PSMD1: variants seen among roughly 807,000 people sequenced by gnomAD.
The protein encoded by PSMD1 is proteasome 26S subunit, non-ATPase 1.
A neutral mutation model predicts 119.0 loss-of-function variants in PSMD1; 18 were observed. The observed-to-expected ratio is 0.15, with a 90% CI of 0.10 to 0.22. The LOEUF (loss-of-function observed/expected upper bound fraction) is 0.22. PSMD1 is among the 10% of genes least tolerant of loss of function. The pLI is 1.00. For missense variants in PSMD1, 702 were observed against 1,158.5 expected (o/e 0.61, Z 5.72); for synonymous variants, 374 against 396.6 (o/e 0.94, Z 0.68).
Position 231,080,153 on chromosome 2 carries a change from G to C in PSMD1, c.1252G>C (p.Glu418Gln). The C allele has an allele frequency of 6.2e-7, 1 of 1,607,596 alleles. No homozygotes were observed. The highest frequency in any genetic ancestry group is 8.5e-7 in the Non-Finnish European group (1 of 1,177,676). Residue 418 changes from glutamate (E) to glutamine (Q), a missense_variant, in exon 12 of 25, where the codon GAA becomes CAA. Coordinates refer to ENST00000308696, the MANE Select transcript of PSMD1 (RefSeq NM_002807.4). ...LGVIHKGHEK[E>Q]ALQLMATYLP... is the part of the protein sequence containing the mutation. ...CTTACCTTTACAGGGTCATGAAAAA[G>C]AAGCATTACAGTTAATGGCAACATA... is the stretch of plus-strand genomic sequence containing the variant.
At chr2:231,113,830 A>G (rs749470585) in intron 16 of PSMD1, 28 of 1,613,986 alleles carry the variant, frequency 1.7e-5, no homozygotes, top group Non-Finnish European at 2.3e-5. Context: ...GTAACGATCC[A>G]CTGAAATGGC....
intron 4 of PSMD1, among the ~76,000 whole-genome samples, chr2:231,065,559 A>G (rs955915846): frequency 2.2e-4 from 34 of 151,294 alleles, no homozygotes; most frequent in African/African-American, 8.3e-4. Flanking sequence ...TCGGCCTCCC[A>G]AAGTGCTGGG....
chr2:231,106,108 C>T (rs1183883055), intron 16 of PSMD1, among the ~76,000 whole-genome samples: 4 of 148,278 alleles, frequency 2.7e-5, no homozygotes, highest in African/African-American at 7.5e-5. Context: ...TCTTTTGTTA[C>T]GTAAGGGTGT....
rs1408428564 is a variant in PSMD1 at position 231,082,893 on chromosome 2, A to G, written c.1424A>G (p.His475Arg). The G allele has an allele frequency of 6.2e-7, 1 of 1,613,716 alleles. No individual in the cohort carries two copies. Among genetic ancestry groups the G allele is most frequent in the Non-Finnish European group, 8.5e-7 (1 of 1,179,640 alleles). Reference protein sequence around the residue: ...LKNASNDIVRHGGSLGLGLAA... With the variant: ...LKNASNDIVRRGGSLGLGLAA... ...ATGTTTTTTCCTTAGATCGTTAGACACGGTGGCAGTCTGGGCCTTGGTTTG... is the reference window on the plus strand; with the variant it reads ...ATGTTTTTTCCTTAGATCGTTAGACGCGGTGGCAGTCTGGGCCTTGGTTTG... Residue 475 changes from histidine to arginine, a missense_variant, in exon 13 of 25, where the codon CAC (histidine) becomes CGC (arginine). Coordinates refer to ENST00000308696, the MANE Select transcript of PSMD1 (RefSeq NM_002807.4).
chr2:231,141,833 T>C (rs1405265777), intron 17 of PSMD1, among the ~76,000 whole-genome samples: 1 of 152,162 alleles, frequency 6.6e-6, no homozygotes, highest in Non-Finnish European at 1.5e-5. Context: ...ATCTCTGTCA[T>C]TACAGAGTTT....
intron 16 of PSMD1, among the ~76,000 whole-genome samples, chr2:231,132,909 G>A (rs1277375930): frequency 6.6e-6 from 1 of 152,210 alleles, no homozygotes; most frequent in Non-Finnish European, 1.5e-5. Context: ...CAGATTATAT[G>A]TGGAGAGTGA....
In PSMD1 at chr2:231,067,096, G is replaced by T; in HGVS notation, c.495G>T (p.Lys165Asn). Residue 165 changes from lysine (K) to asparagine (N), a missense_variant, in exon 5 of 25, where the codon AAG becomes AAT. By Grantham distance (94) the Lys-to-Asn change is moderately conservative. Around this residue, in one of 9 missense-constraint regions of PSMD1, gnomAD observed 58 missense variants for 54.0 expected, o/e 1.07. Transcript: ENST00000308696. ...CACGAAGACTGGACGTCTTTGAAAA[G>T]ACCATACTGGAGTCGGTAGGTAGAT... The part of the protein sequence containing the change: ...LETRRLDVFE[K>N]TILESNDVPG... 1.2e-6 allele frequency: 2 copies of T among 1,601,716 alleles called. No homozygotes were observed. The highest frequency in any genetic ancestry group is 1.1e-5 in the South Asian group (1 of 88,330).
At chr2:231,072,132 G>A (rs949417255) in intron 6 of PSMD1, 57 bp from the exon 7 acceptor site, 1 of 1,422,224 alleles carries the variant, frequency 7.0e-7, no homozygotes, top group Non-Finnish European at 9.8e-7. Context: ...GTCTCCTTAA[G>A]TACCTTGTAG....
rs376376749 is a variant in PSMD1, at chr2:231,106,109, G to A, written c.1883+18928G>A. On this transcript the variant is annotated intron_variant, in intron 16 of 24. Transcript: ENST00000308696. ...CTATTAACTGGAGTTCTTTTGTTACGTAAGGGTGTTTAACTGCTGAGATTT... is the reference window on the plus strand; with the variant it reads ...CTATTAACTGGAGTTCTTTTGTTACATAAGGGTGTTTAACTGCTGAGATTT... Among the ~76,000 whole-genome samples, 164 of 148,696 alleles carry A rather than the reference G, an allele frequency of 1.1e-3. 1 individual carries two copies. The highest frequency in any genetic ancestry group is 9.8e-4 in the East Asian group (5 of 5,096).
At chr2:231,130,813 T>A (rs1176481475) in intron 16 of PSMD1, among the ~76,000 whole-genome samples, 1 of 152,210 alleles carries the variant, frequency 6.6e-6, no homozygotes, top group Non-Finnish European at 1.5e-5. Flanking sequence ...TATTGCTGAT[T>A]AAGGATTAGT....
intron 16 of PSMD1, among the ~76,000 whole-genome samples, chr2:231,107,053 T>C (rs992413803): frequency 6.6e-6 from 1 of 152,162 alleles, no homozygotes; most frequent in Non-Finnish European, 1.5e-5. Context: ...TTATGTGAGA[T>C]AACCATCCCT....
intron 4 of PSMD1, among the ~76,000 whole-genome samples, chr2:231,065,367 A>G (rs1313591393): frequency 6.6e-6 from 1 of 150,668 alleles, no homozygotes; most frequent in African/African-American, 2.4e-5. Context: ...ATCTCGGCTC[A>G]CTGGAACCTC....
intron 17 of PSMD1, among the ~76,000 whole-genome samples, chr2:231,141,860 TTTTA>T (rs1019409410): frequency 5.5e-4 from 83 of 152,080 alleles, no homozygotes; most frequent in South Asian, 1.2e-3. Flanking sequence ...TTATTTTTGT[TTTTA>T]TTTATTTATT....
At chr2:231,140,720 A>G (rs1046895262) in intron 17 of PSMD1, among the ~76,000 whole-genome samples, 1 of 151,600 alleles carries the variant, frequency 6.6e-6, no homozygotes, top group South Asian at 2.1e-4. Flanking sequence ...TCTACTAAAA[A>G]TACAAAAATT....
intron 15 of PSMD1, 75 bp from the exon 16 acceptor site, chr2:231,087,042 A>G (rs1427081154): frequency 1.6e-6 from 2 of 1,224,646 alleles, no homozygotes; most frequent in Non-Finnish European, 2.4e-6. Context: ...CTGTTGAATG[A>G]TGCTGACCTC....
At chr2:231,118,409 G>C (rs1695417483) in intron 16 of PSMD1, among the ~76,000 whole-genome samples, 1 of 152,054 alleles carries the variant, frequency 6.6e-6, no homozygotes, top group African/African-American at 2.4e-5. Context: ...TGTACTTTCC[G>C]GGGGTGAGGG....
At chr2:231,074,219 C>T (rs998227597) in intron 7 of PSMD1, among the ~76,000 whole-genome samples, 19 of 152,130 alleles carry the variant, frequency 1.2e-4, no homozygotes, top group Non-Finnish European at 2.1e-4. Flanking sequence ...AATTCTCCTG[C>T]CTCAGCCTCC....
intron 16 of PSMD1, among the ~76,000 whole-genome samples, chr2:231,134,950 CTCTT>C (rs140653028): frequency 1.2e-3 from 190 of 152,312 alleles, no homozygotes; most frequent in African/African-American, 4.5e-3. Flanking sequence ...TAGTTTAACT[CTCTT>C]TGTCTCTTAT....
At chr2:231,068,417 A>G (rs1693958125) in intron 5 of PSMD1, among the ~76,000 whole-genome samples, 1 of 151,596 alleles carries the variant, frequency 6.6e-6, no homozygotes, top group Non-Finnish European at 1.5e-5. Context: ...TTCAACAAAT[A>G]TTTTTTCAGT....
Sources: allele counts gnomAD v4.1 joint callset (sites outside exome capture counted in the v4.1 genomes callset), GRCh38; gene constraint gnomAD v4.1.1; regional missense constraint gnomAD v4.1.1; transcripts MANE v1.5; gene names NCBI Gene and HGNC (gene_info 2026-07-23, HGNC 2026-07-21).